CTSF: variants seen among roughly 807,000 people sequenced by gnomAD.
The protein encoded by CTSF is cathepsin F.
In CTSF, 65 loss-of-function variants were observed where a neutral mutation model predicts 63.5. That is an observed-to-expected ratio of 1.02 (90% confidence interval 0.84 to 1.26). The LOEUF (loss-of-function observed/expected upper bound fraction) is 1.26. Among genes scored for constraint, CTSF ranks in the 50% most tolerant of loss-of-function variants. The pLI is 0.00. For missense variants in CTSF, 641 were observed against 631.0 expected (o/e 1.02, Z -0.17); for synonymous variants, 256 against 258.1 (o/e 0.99, Z 0.08).
rs1213281624 is a variant in CTSF, at chr11:66,567,446, G to T, written c.529C>A (p.Gln177Lys). The T allele has an allele frequency of 2.5e-6, 4 of 1,613,648 alleles. No homozygotes were observed. The Admixed American group carries it at 6.7e-5, about 27-fold the overall frequency. ...ISLLNEDPLSQDLPVKMASIF... is the reference protein window; with the variant it reads ...ISLLNEDPLSKDLPVKMASIF... ...TCCTCAAGCTGAGGGCTCCTCACCT[G>T]GGACAGGGGATCCTCATTCAACAGG... Residue 177 changes from glutamine (Q) to lysine (K), a missense_variant and splice_region_variant, in exon 3 of 13, where the codon CAG (glutamine) becomes AAG (lysine). Transcript: ENST00000310325.
Position 66,564,668 on chromosome 11 carries a change from AG to A in CTSF, c.1231-21del, listed in dbSNP as rs1857888093. Reference sequence around the variant, plus strand: ...GTAAAACTGGAGGTGGAGAAGGAGTAGGGGATCGACTCCAAGAAGAGGTCGG... The same window carrying A: ...GTAAAACTGGAGGTGGAGAAGGAGTAGGGATCGACTCCAAGAAGAGGTCGG... On this transcript the variant is annotated intron_variant, in intron 10 of 12. Coordinates refer to ENST00000310325, the MANE Select transcript of CTSF (RefSeq NM_003793.4). 6.2e-7 allele frequency: 1 copy of A among 1,612,654 alleles called. No homozygotes were observed. Among genetic ancestry groups the A allele is most frequent in the South Asian group, 1.1e-5 (1 of 90,996 alleles).
chr11:66,564,169 A>G (rs1266833614), intron 11 of CTSF, 23 bp from the exon 12 acceptor site: 2 of 1,603,214 alleles, frequency 1.2e-6, no homozygotes, highest in African/African-American at 2.7e-5. Flanking sequence ...GCAGAGCGCA[A>G]GGATCAGGGT....
In CTSF at chr11:66,567,024, G is replaced by A. The variant is rs1039231837; in HGVS notation, c.607+222C>T. Among the ~76,000 whole-genome samples the A allele has an allele frequency of 2.6e-5, 4 of 152,110 alleles. No homozygotes were observed. The South Asian group carries it at 8.3e-4, about 32-fold the overall frequency. On this transcript the variant is annotated intron_variant, in intron 4 of 12. Coordinates refer to ENST00000310325, the MANE Select transcript of CTSF (RefSeq NM_003793.4). ...ATTACAGAGGTGAGCCACCACGCCC[G>A]GCCAAGACCCATGGCTTCTGAGCGG...
rs772237105 is a variant in CTSF, at chr11:66,567,643, A to T, written c.332T>A (p.Leu111Gln). 6.2e-7 allele frequency: 1 copy of T among 1,614,042 alleles called. No homozygotes were observed. Among genetic ancestry groups the T allele is most frequent in the Non-Finnish European group, 8.5e-7 (1 of 1,179,990 alleles). ...CAGCACGTGTCTTCCGAGCTCATCC[A>T]GGACTTGGAAGCTGCAGAGCTGGAG... ...KKTLLCSFQV[L>Q]DELGRHVLLR... The change falls in exon 3 of 13, where the codon CTG (leucine) becomes CAG (glutamine). Residue 111 changes from leucine (L) to glutamine (Q), a missense_variant. By Grantham distance (113) the Leu-to-Gln change is moderately radical. Coordinates refer to ENST00000310325, the MANE Select transcript of CTSF (RefSeq NM_003793.4).
Position 66,564,395 on chromosome 11 carries a change from G to A in CTSF, c.1321+163C>T, listed in dbSNP as rs1339216476. 5 of 789,872 alleles carry A rather than the reference G, an allele frequency of 6.3e-6. No homozygotes were observed. In the East Asian group the frequency reaches 1.3e-4, roughly 21 times the overall value. The allele number at this position is 789,872 out of a possible 1,614,324, so 48.9% of individuals were successfully genotyped here. A position where few individuals can be genotyped will look rare whatever the true frequency, so the allele number is the denominator to read the frequency against. On this transcript the variant is annotated intron_variant, in intron 11 of 12. Transcript: ENST00000310325. ...TACCCTCCCACAGCTCAGCTTCCCT[G>A]CCATAGAGAGGACAGATGATGCCCA...
intron 3 of CTSF, 33 bp from the exon 4 acceptor site, chr11:66,567,354 G>C: frequency 1.2e-6 from 2 of 1,614,016 alleles, no homozygotes; most frequent in Non-Finnish European, 1.7e-6. Context: ...AGGCTGACCA[G>C]AGAAACCCAC....
At position 66,566,378 on chromosome 11, in the gene CTSF, C is replaced by A. The variant is rs1857933221; in HGVS notation, c.634G>T (p.Val212Phe). 6.2e-7 allele frequency: 1 copy of A among 1,613,842 alleles called. No homozygotes were observed. Among genetic ancestry groups the A allele is most frequent in the South Asian group, 1.1e-5 (1 of 91,082 alleles). Residue 212 changes from valine to phenylalanine, a missense_variant, in exon 5 of 13, where the codon GTC (valine) becomes TTC (phenylalanine). Coordinates refer to ENST00000310325, the MANE Select transcript of CTSF (RefSeq NM_003793.4). ...EEARWRLSVF[V>F]NNMVRAQKIQ... ...TTCTGTGCTCGCACCATGTTATTGA[C>A]AAAGACGGACAGGCGCCACCGGGCT...
rs1429998783 is a variant in CTSF, at chr11:66,563,885, G to C, written c.*48C>G. The C allele has an allele frequency of 6.2e-7, 1 of 1,607,486 alleles. No individual in the cohort carries two copies. The highest frequency in any genetic ancestry group is 2.2e-5 in the East Asian group (1 of 44,788). ...GGGCCTGGACACATGTCAGGCTGGG[G>C]CAGCAGCCACTCTGATCAGCACCAG... On this transcript the variant is annotated 3_prime_UTR_variant, in exon 13 of 13. Transcript: ENST00000310325.
intron 11 of CTSF, 156 bp from the exon 12 acceptor site, chr11:66,564,302 A>G: frequency 1.0e-6 from 1 of 999,366 alleles, no homozygotes; most frequent in Non-Finnish European, 1.5e-6. Context: ...AGCCTCAGGG[A>G]GAAGCCCTGG....
At chr11:66,567,422 C>T (rs757481259) in intron 3 of CTSF, 22 bp downstream of exon 3, 14 of 1,613,676 alleles carry the variant, frequency 8.7e-6, no homozygotes, top group Non-Finnish European at 7.6e-6. Flanking sequence ...GCTGAGGGCT[C>T]CTCAAGCTGA....
chr11:66,563,641 T>C lies in CTSF; in HGVS notation c.*292A>G. The C allele has an allele frequency of 1.8e-6, 1 of 556,232 alleles. No individual in the cohort carries two copies. 34.5% of individuals were successfully genotyped at this position (556,232 alleles called of 1,614,324 possible). Reference sequence around the variant, plus strand: ...ATCAGAAAATTTTCTTCCTGCTCATTACCCAAGCCCAGAGTTCTTGCCCCA... The same window carrying C: ...ATCAGAAAATTTTCTTCCTGCTCATCACCCAAGCCCAGAGTTCTTGCCCCA... On this transcript the variant is annotated 3_prime_UTR_variant, in exon 13 of 13. Transcript: ENST00000310325.
intron 8 of CTSF, 105 bp from the exon 9 acceptor site, chr11:66,565,111 C>T (rs990615211): frequency 2.7e-6 from 4 of 1,487,326 alleles, no homozygotes; most frequent in Non-Finnish European, 3.6e-6. Flanking sequence ...CCTCGTCCAC[C>T]CCAGGCCACA....
In CTSF at chr11:66,566,468, G is replaced by A. The variant is rs771368705; in HGVS notation, c.608-64C>T. 3 of 1,487,162 alleles carry A rather than the reference G, an allele frequency of 2.0e-6. No homozygotes were observed. The Admixed American group carries it at 5.5e-5, about 27-fold the overall frequency. 92.1% of individuals were successfully genotyped at this position (1,487,162 alleles called of 1,614,324 possible). A position where few individuals can be genotyped will look rare whatever the true frequency, so the allele number is the denominator to read the frequency against. ...AGGCAGATAAAAGGAAGGGCAATTG[G>A]GGCTAGCAGGCAGGGGTTTCCCCGG... is the stretch of plus-strand genomic sequence containing the variant. On this transcript the variant is annotated intron_variant, in intron 4 of 12. Transcript: ENST00000310325.
At position 66,566,123 on chromosome 11, in the gene CTSF, C is replaced by T. The variant is rs1410323130; in HGVS notation, c.766G>A (p.Glu256Lys). ...TIYLNTLLRK[E>K]PGNKMKQAKS... ...GCTTGCTTCATCTTGTTGCCAGGCT[C>T]TTTCCTCAGGAGAGTATTCAGGTAG... Residue 256 changes from glutamate to lysine, a missense_variant, in exon 6 of 13, where the codon GAG (glutamate) becomes AAG (lysine). Glu to Lys is a moderately conservative substitution (Grantham distance 56). Transcript: ENST00000310325. 3.7e-6 allele frequency: 6 copies of T among 1,614,108 alleles called. No homozygotes were observed. Among genetic ancestry groups the T allele is most frequent in the Non-Finnish European group, 5.1e-6 (6 of 1,180,010 alleles).
intron 11 of CTSF, 162 bp from the exon 12 acceptor site, chr11:66,564,308 C>T: frequency 1.0e-6 from 1 of 974,996 alleles, no homozygotes; most frequent in Non-Finnish European, 1.5e-6. Context: ...AGGGAGAAGC[C>T]CTGGGGCAGG....
At chr11:66,565,591 G>A in intron 8 of CTSF, 80 bp downstream of exon 8, 1 of 1,575,576 alleles carries the variant, frequency 6.3e-7, no homozygotes, top group Non-Finnish European at 8.7e-7. Flanking sequence ...TCATGCTCAT[G>A]TCTCCCCCCC....
chr11:66,566,440 C>G, intron 4 of CTSF, 36 bp from the exon 5 acceptor site: 1 of 1,601,240 alleles, frequency 6.2e-7, no homozygotes, highest in Non-Finnish European at 8.5e-7. Flanking sequence ...GGGGTTCGAC[C>G]CCAGGCAGAT....
At chr11:66,567,181 G>A (rs962937560) in intron 4 of CTSF, 65 bp downstream of exon 4, 15 of 1,523,726 alleles carry the variant, frequency 9.8e-6, no homozygotes, top group African/African-American at 4.1e-5. Context: ...CACACACCAA[G>A]GTGCCAAGTT....
At chr11:66,565,250 C>A (rs955383646) in intron 8 of CTSF, among the ~76,000 whole-genome samples, 4 of 152,148 alleles carry the variant, frequency 2.6e-5, no homozygotes, top group Non-Finnish European at 4.4e-5. Context: ...CTTCTGACTC[C>A]TCACCAAGAG....
Sources: allele counts gnomAD v4.1 joint callset (sites outside exome capture counted in the v4.1 genomes callset), GRCh38; gene constraint gnomAD v4.1.1; transcripts MANE v1.5; gene names NCBI Gene and HGNC (gene_info 2026-07-23, HGNC 2026-07-21).